The following AUTS2 variants were observed in gnomAD, a reference collection of about 807,000 sequenced individuals.
AUTS2 encodes autism susceptibility gene 2 protein.
In AUTS2, 17 loss-of-function variants were observed where a neutral mutation model predicts 112.4. The ratio of observed to expected loss-of-function variants is 0.15; its 90% CI spans 0.10 to 0.23. The LOEUF is 0.23. AUTS2 is among the 10% of genes least tolerant of loss of function. The pLI is 1.00. For synonymous variants in AUTS2, 751 were observed against 702.7 expected (o/e 1.07, Z -1.09); for missense variants, 1,510 against 1,701.6 (o/e 0.89, Z 1.98).
intron 1 of AUTS2, among the ~76,000 whole-genome samples, chr7:69,672,426 A>G (rs187260556): frequency 6.6e-6 from 1 of 152,322 alleles, no homozygotes; most frequent in Admixed American, 6.5e-5. Flanking sequence ...TCTTGGATAT[A>G]CTTATCAATA....
intron 4 of AUTS2, among the ~76,000 whole-genome samples, chr7:70,429,832 G>A (rs940099906): frequency 2.0e-5 from 3 of 152,050 alleles, no homozygotes; most frequent in Non-Finnish European, 4.4e-5. Flanking sequence ...ATTAAAGAAA[G>A]CAAAACAAAA....
chr7:70,356,186 A>G (rs1267667184), intron 4 of AUTS2, among the ~76,000 whole-genome samples: 5 of 152,140 alleles, frequency 3.3e-5, no homozygotes, highest in Non-Finnish European at 7.4e-5. Context: ...GGTTAGGTGG[A>G]ATTTTCTAGA....
intron 2 of AUTS2, among the ~76,000 whole-genome samples, chr7:70,103,017 G>A (rs1412419312): frequency 6.6e-6 from 1 of 152,142 alleles, no homozygotes; most frequent in Middle Eastern, 3.2e-3. Flanking sequence ...ATTAAGGTGT[G>A]TGGTATTTAC....
intron 6 of AUTS2, among the ~76,000 whole-genome samples, chr7:70,754,617 G>A (rs754118033): frequency 9.2e-5 from 14 of 152,146 alleles, no homozygotes; most frequent in Non-Finnish European, 1.8e-4. Context: ...ATTAATGTTC[G>A]CACTTTAAAG....
At chr7:70,429,057 C>T (rs758245436) in intron 4 of AUTS2, among the ~76,000 whole-genome samples, 13 of 152,238 alleles carry the variant, frequency 8.5e-5, no homozygotes, top group Non-Finnish European at 1.8e-4. Flanking sequence ...GCTCTGCTAA[C>T]GATTTTAACC....
chr7:70,411,996 G>A (rs1794800862), intron 4 of AUTS2, among the ~76,000 whole-genome samples: 1 of 147,098 alleles, frequency 6.8e-6, no homozygotes, highest in Non-Finnish European at 1.5e-5. Flanking sequence ...GTGGGTTCAA[G>A]CAATTCTTCT....
intron 1 of AUTS2, among the ~76,000 whole-genome samples, chr7:69,759,605 G>A (rs1308716666): frequency 6.6e-6 from 1 of 152,008 alleles, no homozygotes; most frequent in Non-Finnish European, 1.5e-5. Context: ...ACGCCTGGAC[G>A]TCACCCCTGA....
At chr7:70,290,079 A>G (rs1788639738) in intron 4 of AUTS2, among the ~76,000 whole-genome samples, 1 of 152,184 alleles carries the variant, frequency 6.6e-6, no homozygotes, top group Non-Finnish European at 1.5e-5. Context: ...GAAACCAGCA[A>G]TTTGTGAAAA....
intron 4 of AUTS2, among the ~76,000 whole-genome samples, chr7:70,308,602 G>GAGA (rs1210333917): frequency 1.3e-5 from 2 of 152,230 alleles, no homozygotes; most frequent in East Asian, 3.9e-4. Context: ...ATGTAGTGAA[G>GAGA]AGAAGAATTT....
chr7:70,365,918 GA>G (rs1241544297), intron 4 of AUTS2, among the ~76,000 whole-genome samples: 5 of 152,292 alleles, frequency 3.3e-5, no homozygotes, highest in Non-Finnish European at 4.4e-5. Flanking sequence ...AGCTCAAATG[GA>G]AAGAGACGGT....
chr7:70,475,198 G>A (rs985826232), intron 5 of AUTS2, among the ~76,000 whole-genome samples: 5 of 152,124 alleles, frequency 3.3e-5, no homozygotes, highest in Non-Finnish European at 7.4e-5. Context: ...TTTATAGGAA[G>A]GCAAAGCTCA....
chr7:70,393,378 G>A (rs1446519387), intron 4 of AUTS2, among the ~76,000 whole-genome samples: 6 of 152,192 alleles, frequency 3.9e-5, no homozygotes, highest in African/African-American at 1.4e-4. Context: ...TTGCCAGAGT[G>A]CCCGCTTTTG....
intron 1 of AUTS2, among the ~76,000 whole-genome samples, chr7:69,616,708 A>T (rs781555958): frequency 2.0e-5 from 3 of 152,100 alleles, no homozygotes; most frequent in African/African-American, 4.8e-5. Context: ...AATAATGTGG[A>T]TTTGGGGACT....
intron 5 of AUTS2, among the ~76,000 whole-genome samples, chr7:70,689,349 C>T (rs1313102569): frequency 6.6e-6 from 1 of 152,044 alleles, no homozygotes; most frequent in Non-Finnish European, 1.5e-5. Context: ...CCACTGCACT[C>T]CAGCCTGGGT....
intron 5 of AUTS2, among the ~76,000 whole-genome samples, chr7:70,478,739 A>G (rs56793735): frequency 0.062 from 9,082 of 146,266 alleles, 900 homozygotes; most frequent in African/African-American, 0.22. Flanking sequence ...AGTGTTCAAG[A>G]CTTGTTTTTT....
intron 6 of AUTS2, among the ~76,000 whole-genome samples, chr7:70,753,682 C>T (rs1789003381): frequency 6.6e-6 from 1 of 152,120 alleles, no homozygotes; most frequent in South Asian, 2.1e-4. Context: ...CATTTTTCTG[C>T]AAAACATCAC....
intron 5 of AUTS2, among the ~76,000 whole-genome samples, chr7:70,676,395 G>A (rs891250678): frequency 2.6e-5 from 4 of 152,070 alleles, no homozygotes; most frequent in African/African-American, 9.7e-5. Context: ...TGGCATCACT[G>A]CACTCCAGTC....
intron 4 of AUTS2, chr7:70,290,725 G>A (rs769387233): frequency 1.7e-6 from 2 of 1,187,552 alleles, no homozygotes; most frequent in Non-Finnish European, 2.2e-6. Flanking sequence ...TGCCCAGCTG[G>A]GATTTTTGGC....
intron 4 of AUTS2, among the ~76,000 whole-genome samples, chr7:70,176,229 G>A (rs1489899563): frequency 6.6e-6 from 1 of 152,098 alleles, no homozygotes; most frequent in Non-Finnish European, 1.5e-5. Flanking sequence ...TCTCAATGTA[G>A]GAATTCATAG....
Sources: gnomAD v4.1 joint callset for allele counts (sites outside exome capture counted in the v4.1 genomes callset) on GRCh38, gnomAD v4.1.1 for gene constraint, MANE v1.5 for transcripts, NCBI Gene and HGNC (gene_info 2026-07-23, HGNC 2026-07-21) for gene names.